Variants in MEGF9 observed in about 807,000 individuals in gnomAD.
MEGF9 encodes multiple epidermal growth factor-like domains protein 9.
MEGF9 carries 6 observed loss-of-function variants against 46.8 expected under a neutral mutation model. That is an observed-to-expected ratio of 0.13 (90% confidence interval 0.07 to 0.25). MEGF9 has a LOEUF of 0.25. Among genes scored for constraint, MEGF9 ranks in the 10% least tolerant of loss-of-function variants. The pLI is 1.00. For synonymous variants in MEGF9, 302 were observed against 330.7 expected (o/e 0.91, Z 0.94); for missense variants, 683 against 792.4 (o/e 0.86, Z 1.66).
intron 4 of MEGF9, 45 bp downstream of exon 4, chr9:120,612,351 G>A (rs751881240): frequency 6.3e-7 from 1 of 1,582,852 alleles, no homozygotes; most frequent in African/African-American, 1.4e-5. Flanking sequence ...ATTGATAACT[G>A]ATTTTTTTTT....
chr9:120,639,228 G>T (rs1008499679), intron 2 of MEGF9, among the ~76,000 whole-genome samples: 1 of 151,926 alleles, frequency 6.6e-6, no homozygotes, highest in Non-Finnish European at 1.5e-5. Flanking sequence ...AGGAACCCTG[G>T]GCAGGGCACG....
intron 2 of MEGF9, among the ~76,000 whole-genome samples, chr9:120,627,995 G>T (rs2043532929): frequency 6.6e-6 from 1 of 152,000 alleles, no homozygotes; most frequent in South Asian, 2.1e-4. Context: ...AATTTACTTT[G>T]GGAAGAGACT....
At chr9:120,705,621 A>G (rs1444243893) in intron 1 of MEGF9, among the ~76,000 whole-genome samples, 1 of 152,062 alleles carries the variant, frequency 6.6e-6, no homozygotes, top group Non-Finnish European at 1.5e-5. Flanking sequence ...TGGCATTATT[A>G]GAGAGATTAT....
At chr9:120,623,663 A>T (rs2043511605) in intron 2 of MEGF9, among the ~76,000 whole-genome samples, 1 of 152,224 alleles carries the variant, frequency 6.6e-6, no homozygotes, top group Non-Finnish European at 1.5e-5. Context: ...CCACACACAT[A>T]TACGGTCTTA....
intron 2 of MEGF9, among the ~76,000 whole-genome samples, chr9:120,642,169 A>G (rs1013680039): frequency 6.6e-6 from 1 of 152,084 alleles, no homozygotes; most frequent in Non-Finnish European, 1.5e-5. Flanking sequence ...TTCCTTTCCA[A>G]TGATTCTGTA....
Position 120,661,986 on chromosome 9 carries a change from G to GA in MEGF9, c.602-2412dup. On this transcript the variant is annotated intron_variant, in intron 1 of 5. Transcript: ENST00000373930. ...GTTGGTGTCAGTAGAACTAGCTCAA[G>GA]AAAAAATGAAAATACTAAAAAAAAT... 2.6e-5 allele frequency among the ~76,000 whole-genome samples: 4 copies of GA among 152,092 alleles called. No individual in the cohort carries two copies. The East Asian group carries it at 7.7e-4, about 29-fold the overall frequency.
At chr9:120,705,395 T>C (rs1201538771) in intron 1 of MEGF9, among the ~76,000 whole-genome samples, 1 of 151,634 alleles carries the variant, frequency 6.6e-6, no homozygotes, top group Non-Finnish European at 1.5e-5. Flanking sequence ...GAGGACAAAG[T>C]GGTAAATTGT....
chr9:120,622,240 T>C (rs1307066170), intron 3 of MEGF9, among the ~76,000 whole-genome samples: 2 of 152,194 alleles, frequency 1.3e-5, no homozygotes, highest in African/African-American at 4.8e-5. Context: ...ACATTTCTTG[T>C]ATCTCTTTCC....
intron 1 of MEGF9, among the ~76,000 whole-genome samples, chr9:120,667,808 C>T (rs141506940): frequency 0.016 from 2,490 of 152,218 alleles, 60 homozygotes; most frequent in African/African-American, 0.056. Flanking sequence ...GGCAGATCAC[C>T]GGAGGTCAGG....
chr9:120,642,785 G>A (rs988083045), intron 2 of MEGF9, among the ~76,000 whole-genome samples: 1 of 152,174 alleles, frequency 6.6e-6, no homozygotes, highest in Non-Finnish European at 1.5e-5. Flanking sequence ...TATATGTGTT[G>A]GAAACTGGCA....
chr9:120,677,937 C>A (rs562573262), intron 1 of MEGF9, among the ~76,000 whole-genome samples: 1 of 152,348 alleles, frequency 6.6e-6, no homozygotes, highest in East Asian at 1.9e-4. Context: ...CCCGACTACT[C>A]TTCCCAGACT....
chr9:120,712,037 G>C (rs1171860167), intron 1 of MEGF9, among the ~76,000 whole-genome samples: 1 of 152,188 alleles, frequency 6.6e-6, no homozygotes, highest in African/African-American at 2.4e-5. Flanking sequence ...CAGGAGGACT[G>C]CTTGAGTTCA....
chr9:120,659,505 A>C lies in MEGF9; in HGVS notation c.672T>G (p.Cys224Trp), dbSNP rs1326624805. Residue 224 changes from cysteine (C) to tryptophan (W), a missense_variant, in exon 2 of 6, where the codon TGT becomes TGG. By Grantham distance (215) the Cys-to-Trp change is radical (BLOSUM62 -2). Around this residue, in one of 2 missense-constraint regions of MEGF9, gnomAD observed 370 missense variants for 371.3 expected, o/e 1.00. Transcript: ENST00000373930. ...GCCCCTGATAACCTGGCCGACACTC[A>C]CACTGCCCTGTGGTCTGGTTGCAGC... ...VNRCNQTTGQCECRPGYQGLH... is the reference protein window; with the variant it reads ...VNRCNQTTGQWECRPGYQGLH... 1 of 1,613,800 alleles carries C rather than the reference A, an allele frequency of 6.2e-7. No homozygotes were observed. Among genetic ancestry groups the C allele is most frequent in the Non-Finnish European group, 8.5e-7 (1 of 1,179,828 alleles).
At chr9:120,701,161 A>T (rs2043903362) in intron 1 of MEGF9, among the ~76,000 whole-genome samples, 1 of 151,674 alleles carries the variant, frequency 6.6e-6, no homozygotes, top group African/African-American at 2.4e-5. Context: ...ATTAAAAAGG[A>T]GTAGGAAATA....
intron 2 of MEGF9, among the ~76,000 whole-genome samples, chr9:120,648,480 A>C (rs2043635042): frequency 6.6e-6 from 1 of 152,034 alleles, no homozygotes; most frequent in African/African-American, 2.4e-5. Context: ...TTTTCTTTAT[A>C]CAAATTTCTA....
intron 2 of MEGF9, among the ~76,000 whole-genome samples, chr9:120,632,873 GTTGA>G (rs1046748743): frequency 2.0e-5 from 3 of 152,122 alleles, no homozygotes; most frequent in East Asian, 1.9e-4. Flanking sequence ...CCTTCATTCT[GTTGA>G]TTGATGTATC....
At chr9:120,681,382 G>A (rs1195926209) in intron 1 of MEGF9, among the ~76,000 whole-genome samples, 1 of 152,140 alleles carries the variant, frequency 6.6e-6, no homozygotes, top group Non-Finnish European at 1.5e-5. Flanking sequence ...CTATACTACT[G>A]TGGCTGAGCT....
intron 4 of MEGF9, among the ~76,000 whole-genome samples, chr9:120,612,073 T>G (rs1357124716): frequency 1.3e-5 from 2 of 152,138 alleles, no homozygotes; most frequent in African/African-American, 4.8e-5. Flanking sequence ...TCAACTATAT[T>G]TATTAGATTG....
At position 120,713,935 on chromosome 9, in the gene MEGF9, T is replaced by G; in HGVS notation, c.424A>C (p.Arg142=). 7.3e-7 allele frequency: 1 copy of G among 1,366,498 alleles called. No homozygotes were observed. Among genetic ancestry groups the G allele is most frequent in the Non-Finnish European group, 9.5e-7 (1 of 1,054,824 alleles). The allele number at this position is 1,366,498 out of a possible 1,614,324, so 84.6% of individuals were successfully genotyped here. ...RTSTTSQAPT[R]PAPTTLSTTT... is the part of the protein sequence containing the mutation. ...GTCGAAAGGGTGGTCGGCGCGGGTCTGGTCGGCGCCTGAGAGGTGGTCGAA... is the reference window on the plus strand; with the variant it reads ...GTCGAAAGGGTGGTCGGCGCGGGTCGGGTCGGCGCCTGAGAGGTGGTCGAA... Residue 142 remains arginine (R), a synonymous_variant, in exon 1 of 6, where the codon AGA becomes CGA. Transcript: ENST00000373930.
Sources: allele counts gnomAD v4.1 joint callset (sites outside exome capture counted in the v4.1 genomes callset), GRCh38; gene constraint gnomAD v4.1.1; regional missense constraint gnomAD v4.1.1; transcripts MANE v1.5; gene names NCBI Gene and HGNC (gene_info 2026-07-23, HGNC 2026-07-21).